Variants in CEMIP observed in about 807,000 individuals in gnomAD.
CEMIP encodes the protein cell migration-inducing and hyaluronan-binding protein.
Under a neutral mutation model 156.9 loss-of-function variants are expected in CEMIP, and 105 were observed. The ratio of observed to expected loss-of-function variants is 0.67; its 90% CI spans 0.57 to 0.79. The LOEUF (loss-of-function observed/expected upper bound fraction) is 0.79. CEMIP is among the 30% of genes least tolerant of loss of function. The probability of loss-of-function intolerance (pLI) is 0.00; values close to 1 mark genes in which losing one functional copy is unlikely to be tolerated. For synonymous variants in CEMIP, 676 were observed against 668.4 expected (o/e 1.01, Z -0.17); for missense variants, 1,457 against 1,769.4 (o/e 0.82, Z 3.17).
chr15:80,798,862 T>C (rs187443785), intron 1 of CEMIP, among the ~76,000 whole-genome samples: 1 of 152,122 alleles, frequency 6.6e-6, no homozygotes, highest in Non-Finnish European at 1.5e-5. Flanking sequence ...AATTCTAGAG[T>C]CTTCTAGAGG....
At chr15:80,907,059 C>T (rs1899839613) in intron 13 of CEMIP, among the ~76,000 whole-genome samples, 1 of 152,132 alleles carries the variant, frequency 6.6e-6, no homozygotes, top group African/African-American at 2.4e-5. Context: ...GGAGCTAACT[C>T]AGCAACAAAC....
chr15:80,790,450 A>G (rs1415601370), intron 1 of CEMIP, among the ~76,000 whole-genome samples: 1 of 152,226 alleles, frequency 6.6e-6, no homozygotes, highest in Non-Finnish European at 1.5e-5. Flanking sequence ...CAACTAAAAC[A>G]TTCAGACTCA....
chr15:80,926,749 A>G (rs1353542364), intron 19 of CEMIP, among the ~76,000 whole-genome samples: 1 of 149,504 alleles, frequency 6.7e-6, no homozygotes, highest in African/African-American at 2.5e-5. Flanking sequence ...GCCAAAAATA[A>G]ACAATAAATT....
intron 1 of CEMIP, among the ~76,000 whole-genome samples, chr15:80,835,583 G>A (rs981583862): frequency 1.3e-5 from 2 of 152,216 alleles, no homozygotes; most frequent in African/African-American, 4.8e-5. Context: ...GAATCTACCA[G>A]CCTGTCTTTC....
At chr15:80,795,789 G>A (rs1344373258) in intron 1 of CEMIP, among the ~76,000 whole-genome samples, 1 of 152,114 alleles carries the variant, frequency 6.6e-6, no homozygotes, top group East Asian at 1.9e-4. Flanking sequence ...GAATTGCCAG[G>A]TGCTGTGGCT....
chr15:80,879,768 C>T lies in CEMIP; in HGVS notation c.294C>T (p.His98=). 6.2e-7 allele frequency: 1 copy of T among 1,614,206 alleles called. No homozygotes were observed. Among genetic ancestry groups the T allele is most frequent in the Non-Finnish European group, 8.5e-7 (1 of 1,180,034 alleles). ...HDEPIVLRTR[H]ILIDNGGELH... Reference sequence around the variant, plus strand: ...AGCCGATTGTTTTGCGAACCCGGCACATCCTGATTGACAACGGAGGAGAGC... The same window carrying T: ...AGCCGATTGTTTTGCGAACCCGGCATATCCTGATTGACAACGGAGGAGAGC... Residue 98 remains histidine, a synonymous_variant, in exon 5 of 30, where the codon CAC becomes CAT. Transcript: ENST00000394685.
chr15:80,819,050 T>C lies in CEMIP; in HGVS notation c.-176+39436T>C, dbSNP rs542152740. Among the ~76,000 whole-genome samples the C allele has an allele frequency of 7.9e-5, 12 of 152,352 alleles. No individual in the cohort carries two copies. In the South Asian group the frequency reaches 2.3e-3, roughly 29 times the overall value. ...CCCAGCCTGGGCATCTTCAGTCTTCTTTGGCTGTACCAGGTAACACATCTT... is the reference window on the plus strand; with the variant it reads ...CCCAGCCTGGGCATCTTCAGTCTTCCTTGGCTGTACCAGGTAACACATCTT... On this transcript the variant is annotated intron_variant, in intron 1 of 29. Coordinates refer to ENST00000394685, the MANE Select transcript of CEMIP (RefSeq NM_001293298.2).
At chr15:80,886,198 TAG>T (rs1898830816) in intron 7 of CEMIP, among the ~76,000 whole-genome samples, 1 of 151,812 alleles carries the variant, frequency 6.6e-6, no homozygotes, top group Non-Finnish European at 1.5e-5. Context: ...CTGGTTCCCA[TAG>T]AGAGATCAGC....
At chr15:80,788,893 A>G (rs1243969325) in intron 1 of CEMIP, among the ~76,000 whole-genome samples, 2 of 148,840 alleles carry the variant, frequency 1.3e-5, no homozygotes, top group Admixed American at 6.7e-5. Flanking sequence ...TAAGCACTAG[A>G]GGCAAAAAAA....
At chr15:80,821,524 G>A (rs1417677108) in intron 1 of CEMIP, among the ~76,000 whole-genome samples, 1 of 152,150 alleles carries the variant, frequency 6.6e-6, no homozygotes, top group African/African-American at 2.4e-5. Context: ...TCAACCAGGT[G>A]AAAATAATAG....
chr15:80,785,630 A>C (rs775833857), intron 1 of CEMIP, among the ~76,000 whole-genome samples: 4 of 152,200 alleles, frequency 2.6e-5, no homozygotes, highest in Admixed American at 6.5e-5. Context: ...AGGACAGATT[A>C]GTCAAGAGGA....
chr15:80,880,081 G>A (rs1485487125), intron 5 of CEMIP, among the ~76,000 whole-genome samples: 4 of 152,170 alleles, frequency 2.6e-5, no homozygotes, highest in Non-Finnish European at 4.4e-5. Flanking sequence ...TTTTAGAGAC[G>A]GGCCTGCCAG....
At chr15:80,811,630 T>C (rs1302622407) in intron 1 of CEMIP, among the ~76,000 whole-genome samples, 2 of 152,190 alleles carry the variant, frequency 1.3e-5, no homozygotes, top group Non-Finnish European at 1.5e-5. Flanking sequence ...TCTCAGCTCA[T>C]TGCAACTTCT....
At chr15:80,860,229 C>A (rs1897952428) in intron 1 of CEMIP, among the ~76,000 whole-genome samples, 1 of 152,176 alleles carries the variant, frequency 6.6e-6, no homozygotes, top group Non-Finnish European at 1.5e-5. Flanking sequence ...CAAAACAGAG[C>A]CACACATAGA....
At chr15:80,864,581 A>G (rs1403011460) in intron 1 of CEMIP, among the ~76,000 whole-genome samples, 1 of 152,204 alleles carries the variant, frequency 6.6e-6, no homozygotes, top group African/African-American at 2.4e-5. Flanking sequence ...GACCTCTAAG[A>G]CAGCTATTAT....
intron 14 of CEMIP, among the ~76,000 whole-genome samples, chr15:80,916,822 G>A (rs1174401989): frequency 6.6e-6 from 1 of 152,050 alleles, no homozygotes; most frequent in Non-Finnish European, 1.5e-5. Context: ...GGCTGTCCTC[G>A]GCCTTATCAT....
chr15:80,808,734 A>G (rs534095043), intron 1 of CEMIP, among the ~76,000 whole-genome samples: 34 of 152,180 alleles, frequency 2.2e-4, no homozygotes, highest in Middle Eastern at 3.4e-3. Flanking sequence ...AAAAAAATCA[A>G]TTCTATGAAA....
At chr15:80,875,240 G>A (rs1282044742) in intron 3 of CEMIP, among the ~76,000 whole-genome samples, 1 of 151,802 alleles carries the variant, frequency 6.6e-6, no homozygotes, top group African/African-American at 2.4e-5. Flanking sequence ...CCACTATGTT[G>A]TCCAGGCTAG....
chr15:80,782,489 C>A (rs1895822844), intron 1 of CEMIP, among the ~76,000 whole-genome samples: 1 of 152,170 alleles, frequency 6.6e-6, no homozygotes, highest in African/African-American at 2.4e-5. Flanking sequence ...GGGTCCCTTC[C>A]AGCTCTGCAT....
Sources: gnomAD v4.1 joint callset for allele counts (sites outside exome capture counted in the v4.1 genomes callset) on GRCh38, gnomAD v4.1.1 for gene constraint, MANE v1.5 for transcripts, NCBI Gene and HGNC (gene_info 2026-07-23, HGNC 2026-07-21) for gene names.